The following RBM6 variants were observed in gnomAD, a reference collection of about 807,000 sequenced individuals.
RBM6 encodes RNA binding motif protein 6, also known as RNA-binding protein 6.
A neutral mutation model predicts 140.4 loss-of-function variants in RBM6; 23 were observed. The observed-to-expected ratio is 0.16, with a 90% confidence interval of 0.12 to 0.23. RBM6 has a LOEUF of 0.23. Among genes scored for constraint, RBM6 ranks in the 10% least tolerant of loss-of-function variants. The pLI, the probability that RBM6 is intolerant of heterozygous loss-of-function variation, is 1.00. For synonymous variants in RBM6, 439 were observed against 475.6 expected, an observed-to-expected ratio of 0.92 and a Z score of 1.00; for missense variants, 1,139 against 1,386.7, an observed-to-expected ratio of 0.82 and a Z score of 2.84.
At chr3:49,971,423 C>T (rs1488669622) in intron 3 of RBM6, among the ~76,000 whole-genome samples, 3 of 150,338 alleles carry the variant, frequency 2.0e-5, no homozygotes, top group Non-Finnish European at 3.0e-5. Flanking sequence ...CCAGCCTGGG[C>T]GACAGAGCGA....
chr3:50,059,455 C>T (rs2089849880), intron 10 of RBM6, 194 bp from the exon 11 acceptor site: 2 of 464,702 alleles, frequency 4.3e-6, no homozygotes, highest in Non-Finnish European at 7.6e-6. Flanking sequence ...ATTCCTGTTC[C>T]AATCAGTCCT....
chr3:49,973,742 C>T (rs2084913319), intron 4 of RBM6, among the ~76,000 whole-genome samples: 1 of 151,708 alleles, frequency 6.6e-6, no homozygotes, highest in Admixed American at 6.6e-5. Context: ...CCTGCCACTG[C>T]ACCCAGCTGA....
chr3:50,077,169 C>G lies in RBM6; in HGVS notation c.*36C>G. 2 of 1,573,600 alleles carry G rather than the reference C, an allele frequency of 1.3e-6. No individual in the cohort carries two copies. The highest frequency in any genetic ancestry group is 1.2e-5 in the South Asian group (1 of 85,212). ...AAGTTCCATGGGATACAACCTCCCT[C>G]TTGTTTTGTTTGTCTCTCCTTTTCT... is the stretch of plus-strand genomic sequence containing the variant. On this transcript the variant is annotated 3_prime_UTR_variant, in exon 21 of 21. Coordinates refer to ENST00000266022, the MANE Select transcript of RBM6 (RefSeq NM_005777.3).
rs974597642 is a variant in RBM6, at chr3:50,038,621, G to A, written c.1558-9624G>A. Among the ~76,000 whole-genome samples, 20 of 152,238 alleles carry A rather than the reference G, an allele frequency of 1.3e-4. 1 individual carries two copies. Among genetic ancestry groups the A allele is most frequent in the South Asian group, 4.1e-4 (2 of 4,824 alleles). ...CCGAGGCGGGCGGATCATGAGGTCC[G>A]GAGATCGAGAACATCCTGGCTAACA... is the stretch of plus-strand genomic sequence containing the variant. On this transcript the variant is annotated intron_variant, in intron 6 of 20. Transcript: ENST00000266022.
intron 6 of RBM6, among the ~76,000 whole-genome samples, chr3:50,012,256 C>T (rs956415116): frequency 3.3e-5 from 5 of 152,008 alleles, no homozygotes; most frequent in African/African-American, 1.2e-4. Context: ...AATCTATTGC[C>T]AAGGTGGTCT....
Position 50,057,917 on chromosome 3 carries a change from C to G in RBM6, c.1883C>G (p.Pro628Arg). The change falls in exon 9 of 21, where the codon CCT becomes CGT. Residue 628 changes from proline (P) to arginine (R), a missense_variant. Pro to Arg is a moderately radical substitution (Grantham distance 103, BLOSUM62 -2). Around this residue, in one of 9 missense-constraint regions of RBM6, gnomAD observed 109 missense variants for 101.9 expected, o/e 1.07. Transcript: ENST00000266022. ...QKREAERYLP[P>R]SRREGPTFRR... The stretch of plus-strand genomic sequence containing the variant: ...AGAGAAGCAGAAAGGTATCTGCCTC[C>G]TTCTCGAAGGGAAGGGCCAACTTTC... 1 of 1,614,150 alleles carries G rather than the reference C, an allele frequency of 6.2e-7. No homozygotes were observed. The highest frequency in any genetic ancestry group is 8.5e-7 in the Non-Finnish European group (1 of 1,180,030).
chr3:49,997,584 C>T (rs2086145265), intron 5 of RBM6, among the ~76,000 whole-genome samples: 1 of 152,128 alleles, frequency 6.6e-6, no homozygotes, highest in Non-Finnish European at 1.5e-5. Flanking sequence ...CTGGGTACTC[C>T]ATTGATATGT....
chr3:49,979,682 C>T (rs1376840253), intron 5 of RBM6, among the ~76,000 whole-genome samples: 1 of 152,118 alleles, frequency 6.6e-6, no homozygotes, highest in Non-Finnish European at 1.5e-5. Flanking sequence ...CTCAGGTTAT[C>T]TACCTGCCTG....
chr3:50,061,851 G>A (rs949582615), intron 14 of RBM6, 111 bp from the exon 15 acceptor site: 4 of 1,398,306 alleles, frequency 2.9e-6, no homozygotes, highest in Non-Finnish European at 3.8e-6. Context: ...TCTTAGACTT[G>A]TAAGTAAAAA....
chr3:49,990,773 T>TG (rs1269362485), intron 5 of RBM6, among the ~76,000 whole-genome samples: 2 of 152,114 alleles, frequency 1.3e-5, no homozygotes, highest in Admixed American at 6.6e-5. Context: ...TGGCATTAAG[T>TG]GGGGGGAAAA....
At chr3:49,946,848 GTT>G (rs778856917) in intron 1 of RBM6, among the ~76,000 whole-genome samples, 13 of 139,848 alleles carry the variant, frequency 9.3e-5, no homozygotes, top group Non-Finnish European at 1.9e-4. Context: ...TTTCTGTTTC[GTT>G]TTTTTTTTTT....
intron 5 of RBM6, among the ~76,000 whole-genome samples, chr3:49,977,047 A>G (rs186049975): frequency 4.6e-5 from 7 of 152,306 alleles, no homozygotes; most frequent in Middle Eastern, 3.4e-3. Flanking sequence ...ACTTTTGACA[A>G]TATCAGCCAG....
intron 20 of RBM6, among the ~76,000 whole-genome samples, chr3:50,076,801 C>T (rs550789892): frequency 6.6e-6 from 1 of 151,878 alleles, no homozygotes; most frequent in Non-Finnish European, 1.5e-5. Context: ...ACAAGAATTG[C>T]TTGAACCGGG....
intron 6 of RBM6, among the ~76,000 whole-genome samples, chr3:50,010,784 TC>T (rs2086805631): frequency 6.8e-6 from 1 of 146,358 alleles, no homozygotes; most frequent in African/African-American, 2.5e-5. Context: ...GTTCCTGTAG[TC>T]CCAGCTACTC....
chr3:50,007,698 A>G (rs1363569981), intron 6 of RBM6, among the ~76,000 whole-genome samples: 1 of 151,176 alleles, frequency 6.6e-6, no homozygotes, highest in Non-Finnish European at 1.5e-5. Context: ...ACACCCGGCT[A>G]ATTTTTTTGT....
At chr3:49,947,307 G>A (rs1306071873) in intron 1 of RBM6, among the ~76,000 whole-genome samples, 1 of 144,794 alleles carries the variant, frequency 6.9e-6, no homozygotes, top group Non-Finnish European at 1.5e-5. Context: ...GTGCACACCT[G>A]TATTCCCAGC....
chr3:49,976,156 A>G (rs1011329138), intron 5 of RBM6, among the ~76,000 whole-genome samples: 1 of 152,198 alleles, frequency 6.6e-6, no homozygotes, highest in Non-Finnish European at 1.5e-5. Context: ...AAGGGAATAG[A>G]GCATGAGTCT....
intron 5 of RBM6, among the ~76,000 whole-genome samples, chr3:49,986,332 C>G (rs899312597): frequency 6.6e-6 from 1 of 151,330 alleles, no homozygotes; most frequent in South Asian, 2.1e-4. Flanking sequence ...CGGTGGCTCA[C>G]GCGTGTGATC....
At chr3:49,991,302 CCCT>C (rs2085811833) in intron 5 of RBM6, among the ~76,000 whole-genome samples, 1 of 152,084 alleles carries the variant, frequency 6.6e-6, no homozygotes, top group Admixed American at 6.6e-5. Flanking sequence ...GCTCTCTGAG[CCCT>C]TTTGTGTAGT....
Sources: allele counts gnomAD v4.1 joint callset (sites outside exome capture counted in the v4.1 genomes callset), GRCh38; gene constraint gnomAD v4.1.1; regional missense constraint gnomAD v4.1.1; transcripts MANE v1.5; gene names NCBI Gene and HGNC (gene_info 2026-07-23, HGNC 2026-07-21).